CNTN4: variants seen among roughly 807,000 people sequenced by gnomAD.
CNTN4 encodes the protein contactin-4.
Under a neutral mutation model 122.5 loss-of-function variants are expected in CNTN4, and 77 were observed. The ratio of observed to expected loss-of-function variants is 0.63; its 90% CI spans 0.52 to 0.76. The LOEUF is 0.76. Among genes scored for constraint, CNTN4 ranks in the 30% least tolerant of loss-of-function variants. The probability of loss-of-function intolerance (pLI) is 0.00; values close to 1 mark genes in which losing one functional copy is unlikely to be tolerated. For missense variants in CNTN4, 1,256 were observed against 1,259.1 expected (o/e 1.00, Z 0.04); for synonymous variants, 512 against 447.0 (o/e 1.15, Z -1.83).
intron 4 of CNTN4, among the ~76,000 whole-genome samples, chr3:2,728,531 C>A (rs1323503453): frequency 1.3e-5 from 2 of 152,190 alleles, no homozygotes; most frequent in African/African-American, 4.8e-5. Context: ...CTTCCCCTTC[C>A]TTTTCCCTGG....
chr3:2,386,146 C>T (rs2046249426), intron 3 of CNTN4, among the ~76,000 whole-genome samples: 1 of 152,070 alleles, frequency 6.6e-6, no homozygotes, highest in African/African-American at 2.4e-5. Flanking sequence ...CTTCATATCT[C>T]ATTGCCTTAC....
chr3:2,721,153 G>A (rs903442115), intron 4 of CNTN4, among the ~76,000 whole-genome samples: 2 of 151,920 alleles, frequency 1.3e-5, no homozygotes, highest in African/African-American at 4.8e-5. Context: ...TATATTTTTA[G>A]TAGAGATGAG....
At chr3:2,283,001 G>A (rs1304694456) in intron 2 of CNTN4, among the ~76,000 whole-genome samples, 1 of 152,102 alleles carries the variant, frequency 6.6e-6, no homozygotes, top group Non-Finnish European at 1.5e-5. Context: ...GTACAGAGGG[G>A]AATGGAGAGT....
intron 3 of CNTN4, among the ~76,000 whole-genome samples, chr3:2,386,017 G>A (rs371216056): frequency 4.2e-4 from 64 of 151,946 alleles, no homozygotes; most frequent in Non-Finnish European, 4.9e-4. Context: ...TAGGAATTAC[G>A]TCTTACTATA....
At chr3:2,741,827 T>C (rs2089472276) in intron 5 of CNTN4, among the ~76,000 whole-genome samples, 1 of 152,218 alleles carries the variant, frequency 6.6e-6, no homozygotes, top group South Asian at 2.1e-4. Context: ...TTTGTAACAC[T>C]GTGTTTCTAG....
intron 3 of CNTN4, among the ~76,000 whole-genome samples, chr3:2,565,254 A>G (rs2079107941): frequency 6.6e-6 from 1 of 152,110 alleles, no homozygotes; most frequent in Non-Finnish European, 1.5e-5. Context: ...TTCTATTCAT[A>G]TTTTCAGATG....
At chr3:2,749,736 G>A in intron 6 of CNTN4, among the ~76,000 whole-genome samples, 1 of 152,034 alleles carries the variant, frequency 6.6e-6, no homozygotes, top group East Asian at 1.9e-4. Context: ...TAATTTTCTG[G>A]AGTTTATCTT....
At chr3:2,666,448 T>A (rs2150334986) in intron 4 of CNTN4, among the ~76,000 whole-genome samples, 1 of 152,332 alleles carries the variant, frequency 6.6e-6, no homozygotes, top group Non-Finnish European at 1.5e-5. Flanking sequence ...CCTTTCTAGA[T>A]CATAGTGCAA....
intron 13 of CNTN4, among the ~76,000 whole-genome samples, chr3:2,984,510 G>A (rs1379350962): frequency 6.6e-6 from 1 of 152,200 alleles, no homozygotes; most frequent in African/African-American, 2.4e-5. Context: ...AGTCCAAAAT[G>A]TCGTCAGTGC....
At chr3:2,512,724 C>T (rs974364271) in intron 3 of CNTN4, among the ~76,000 whole-genome samples, 5 of 152,134 alleles carry the variant, frequency 3.3e-5, no homozygotes, top group Non-Finnish European at 5.9e-5. Context: ...CCAAAGTGAA[C>T]TTAAAATCAT....
intron 6 of CNTN4, among the ~76,000 whole-genome samples, chr3:2,808,087 T>A (rs576806042): frequency 6.6e-6 from 1 of 152,282 alleles, no homozygotes; most frequent in African/African-American, 2.4e-5. Context: ...GAAAGGCTAA[T>A]AAAAGAAAAG....
At chr3:2,787,690 T>C (rs1444428835) in intron 6 of CNTN4, among the ~76,000 whole-genome samples, 9 of 152,196 alleles carry the variant, frequency 5.9e-5, no homozygotes, top group Admixed American at 5.9e-4. Flanking sequence ...TCCTCATCTG[T>C]AAAACAGGGA....
rs1360407917 is a variant in CNTN4, at chr3:2,152,596, G to A, written c.-145+51957G>A. On this transcript the variant is annotated intron_variant, in intron 2 of 24. Transcript: ENST00000418658. ...TATGAGAGAAAGAAGAATCCAGGAT[G>A]TGACTCCAAGTGTTTTGTCCTGAAA... is the stretch of plus-strand genomic sequence containing the variant. Among the ~76,000 whole-genome samples the A allele has an allele frequency of 5.3e-5, 8 of 152,260 alleles. No homozygotes were observed. The South Asian group carries it at 1.5e-3, about 28-fold the overall frequency.
chr3:2,139,189 G>A (rs1028184388), intron 2 of CNTN4, among the ~76,000 whole-genome samples: 1 of 152,020 alleles, frequency 6.6e-6, no homozygotes, highest in African/African-American at 2.4e-5. Context: ...TATTTGTAAT[G>A]TTTTCATCAT....
At chr3:2,630,956 T>C (rs766233532) in intron 4 of CNTN4, among the ~76,000 whole-genome samples, 1 of 152,174 alleles carries the variant, frequency 6.6e-6, no homozygotes, top group Admixed American at 6.5e-5. Context: ...CCTCAACTTA[T>C]AGTCAGTTGA....
intron 4 of CNTN4, among the ~76,000 whole-genome samples, chr3:2,659,061 C>T (rs1261364109): frequency 6.6e-6 from 1 of 151,224 alleles, no homozygotes; most frequent in East Asian, 1.9e-4. Context: ...TTTAAAAATA[C>T]AGTGAGATCA....
At chr3:2,902,521 C>T (rs79701091) in intron 11 of CNTN4, among the ~76,000 whole-genome samples, 46 of 152,200 alleles carry the variant, frequency 3.0e-4, no homozygotes, top group African/African-American at 1.1e-3. Flanking sequence ...AGTTTTATTT[C>T]CGAAACCCCC....
At chr3:2,317,475 G>T (rs1657692633) in intron 2 of CNTN4, among the ~76,000 whole-genome samples, 1 of 152,132 alleles carries the variant, frequency 6.6e-6, no homozygotes, top group African/African-American at 2.4e-5. Context: ...GCAAAATTGT[G>T]CAGGTTATCA....
At chr3:2,427,141 C>G (rs1321479284) in intron 3 of CNTN4, among the ~76,000 whole-genome samples, 1 of 152,130 alleles carries the variant, frequency 6.6e-6, no homozygotes, top group Non-Finnish European at 1.5e-5. Context: ...TCTTGCTTCT[C>G]TAGTTCTTTT....
Sources: gnomAD v4.1 joint callset for allele counts (sites outside exome capture counted in the v4.1 genomes callset) on GRCh38, gnomAD v4.1.1 for gene constraint, MANE v1.5 for transcripts, NCBI Gene and HGNC (gene_info 2026-07-23, HGNC 2026-07-21) for gene names.